The following NEGR1 variants were observed in gnomAD, a reference collection of about 807,000 sequenced individuals.
NEGR1 encodes IgLON family member 4.
In NEGR1, 10 loss-of-function variants were observed where a neutral mutation model predicts 40.9. The observed-to-expected ratio is 0.24, with a 90% CI of 0.15 to 0.42. The LOEUF (loss-of-function observed/expected upper bound fraction) is 0.42. Ranked by LOEUF, NEGR1 falls within the 10% of genes least tolerant of loss-of-function variation. The probability of loss-of-function intolerance (pLI) is 1.00; values close to 1 mark genes in which losing one functional copy is unlikely to be tolerated. For missense variants in NEGR1, 352 were observed against 438.9 expected, an observed-to-expected ratio of 0.80 and a Z score of 1.77; for synonymous variants, 185 against 166.8, an observed-to-expected ratio of 1.11 and a Z score of -0.84.
chr1:71,617,378 G>GAATCT (rs1457729986), intron 4 of NEGR1, among the ~76,000 whole-genome samples: 1 of 152,218 alleles, frequency 6.6e-6, no homozygotes, highest in Admixed American at 6.5e-5. Context: ...CTAGGTTGAT[G>GAATCT]AATCTACTGA....
At chr1:71,809,149 C>T (rs1657892536) in intron 2 of NEGR1, among the ~76,000 whole-genome samples, 1 of 152,134 alleles carries the variant, frequency 6.6e-6, no homozygotes, top group African/African-American at 2.4e-5. Flanking sequence ...GCTATCCCTC[C>T]ATTCATTGTT....
At position 71,680,469 on chromosome 1, in the gene NEGR1, C is replaced by A. The variant is rs538222095; in HGVS notation, c.667+17539G>T. Among the ~76,000 whole-genome samples the A allele has an allele frequency of 2.2e-4, 34 of 152,186 alleles. No homozygotes were observed. The South Asian group carries it at 6.8e-3, about 31-fold the overall frequency. On this transcript the variant is annotated intron_variant, in intron 4 of 6. Coordinates refer to ENST00000357731, the MANE Select transcript of NEGR1 (RefSeq NM_173808.3). Reference sequence around the variant, plus strand: ...GTAGAATTCTGTCTCTATTTCATTTCTAATTTTCTACTTTCACAAGATGCC... The same window carrying A: ...GTAGAATTCTGTCTCTATTTCATTTATAATTTTCTACTTTCACAAGATGCC...
At chr1:71,575,374 C>CA (rs1404268934) in intron 6 of NEGR1, among the ~76,000 whole-genome samples, 3 of 152,316 alleles carry the variant, frequency 2.0e-5, no homozygotes, top group African/African-American at 7.2e-5. Context: ...ATTGCCCTTC[C>CA]AACCAACCAC....
intron 2 of NEGR1, among the ~76,000 whole-genome samples, chr1:71,895,891 TATTTTATATATCAAGGTACC>T (rs1206619428): frequency 1.8e-4 from 28 of 152,334 alleles, no homozygotes; most frequent in African/African-American, 6.3e-4. Flanking sequence ...AGAGCTACAC[TATTTTATATATCAAGGTACC>T]AGTTTCTCCG....
At chr1:72,004,940 T>C (rs1182712775) in intron 1 of NEGR1, among the ~76,000 whole-genome samples, 4 of 152,142 alleles carry the variant, frequency 2.6e-5, no homozygotes, top group Non-Finnish European at 5.9e-5. Flanking sequence ...CACCTCCAAA[T>C]AGATTTTATG....
chr1:72,137,395 C>A lies in NEGR1; in HGVS notation c.176+144924G>T, dbSNP rs914645521. 2.6e-5 allele frequency among the ~76,000 whole-genome samples: 4 copies of A among 152,262 alleles called. No homozygotes were observed. In the East Asian group the frequency reaches 7.7e-4, roughly 29 times the overall value. On this transcript the variant is annotated intron_variant, in intron 1 of 6. Coordinates refer to ENST00000357731, the MANE Select transcript of NEGR1 (RefSeq NM_173808.3). ...ATAAAGAAAATGTGGCACACATACACCATGGAATACTATGCAGCCATAAAA... is the reference window on the plus strand; with the variant it reads ...ATAAAGAAAATGTGGCACACATACAACATGGAATACTATGCAGCCATAAAA...
chr1:71,410,969 G>A (rs11209780), intron 6 of NEGR1, among the ~76,000 whole-genome samples: 29,131 of 152,022 alleles, frequency 0.19, 3,753 homozygotes, highest in East Asian at 0.57. Context: ...AAGCATTACC[G>A]CCTTTCCCCT....
chr1:71,661,587 C>T (rs370020647), intron 4 of NEGR1, among the ~76,000 whole-genome samples: 9 of 152,162 alleles, frequency 5.9e-5, no homozygotes, highest in Admixed American at 5.2e-4. Flanking sequence ...GTCTCTAATC[C>T]CTATGACAGT....
intron 1 of NEGR1, among the ~76,000 whole-genome samples, chr1:72,168,222 A>T (rs984648150): frequency 3.3e-4 from 50 of 152,158 alleles, no homozygotes; most frequent in African/African-American, 1.1e-3. Flanking sequence ...CATGCTGACC[A>T]GGCTGGTCTG....
At chr1:72,176,050 T>C (rs1040302570) in intron 1 of NEGR1, among the ~76,000 whole-genome samples, 1 of 152,132 alleles carries the variant, frequency 6.6e-6, no homozygotes, top group Non-Finnish European at 1.5e-5. Context: ...ATGAAGACTT[T>C]CTCAGAAAGC....
intron 1 of NEGR1, among the ~76,000 whole-genome samples, chr1:72,082,818 T>G (rs571407302): frequency 6.6e-6 from 1 of 152,264 alleles, no homozygotes; most frequent in Admixed American, 6.5e-5. Context: ...AATGTTTTCT[T>G]AACCAATTTT....
chr1:71,769,735 C>G (rs1184397611), intron 3 of NEGR1, among the ~76,000 whole-genome samples: 1 of 152,280 alleles, frequency 6.6e-6, no homozygotes, highest in East Asian at 1.9e-4. Flanking sequence ...TTATAAATTA[C>G]CCAGTCTTGG....
In NEGR1 at chr1:72,259,591, A is replaced by C. The variant is rs137943724; in HGVS notation, c.176+22728T>G. ...AAGTTTTTTCCATCTGTAATTAGAG[A>C]AAAAAGTTTTACTAGTGTATTATAT... On this transcript the variant is annotated intron_variant, in intron 1 of 6. Transcript: ENST00000357731. Among the ~76,000 whole-genome samples, 53 of 152,200 alleles carry C rather than the reference A, an allele frequency of 3.5e-4. 1 individual carries two copies. Among genetic ancestry groups the C allele is most frequent in the African/African-American group, 8.4e-4 (35 of 41,560 alleles).
rs144278091 is a variant in NEGR1, at chr1:72,097,374, A to G, written c.177-162063T>C. 2.5e-3 allele frequency among the ~76,000 whole-genome samples: 378 copies of G among 152,266 alleles called. 1 individual carries two copies. The highest frequency in any genetic ancestry group is 8.6e-3 in the African/African-American group (359 of 41,552). ...AAGTATTAACTATTGTTGTCAATCT[A>G]TCCAGATTATTTGATAATGTAAATT... On this transcript the variant is annotated intron_variant, in intron 1 of 6. Transcript: ENST00000357731.
intron 5 of NEGR1, among the ~76,000 whole-genome samples, chr1:71,596,015 C>A (rs1046045699): frequency 3.4e-5 from 5 of 146,694 alleles, no homozygotes; most frequent in Admixed American, 2.8e-4. Context: ...TTTCTTATAG[C>A]CCCTGCCAAA....
chr1:72,149,406 A>T (rs1651032530), intron 1 of NEGR1, among the ~76,000 whole-genome samples: 2 of 152,138 alleles, frequency 1.3e-5, no homozygotes, highest in African/African-American at 4.8e-5. Context: ...AAGAATCTGC[A>T]TTGAGATTTC....
intron 1 of NEGR1, among the ~76,000 whole-genome samples, chr1:72,272,429 T>C (rs943941437): frequency 6.6e-6 from 1 of 151,978 alleles, no homozygotes; most frequent in African/African-American, 2.4e-5. Context: ...AAATATATTC[T>C]ACTGTAAGAA....
rs1172928419 is a variant in NEGR1, at chr1:72,022,925, C to G, written c.177-87614G>C. Among the ~76,000 whole-genome samples, 3 of 152,182 alleles carry G rather than the reference C, an allele frequency of 2.0e-5. No homozygotes were observed. In the East Asian group the frequency reaches 5.8e-4, roughly 29 times the overall value. On this transcript the variant is annotated intron_variant, in intron 1 of 6. Coordinates refer to ENST00000357731, the MANE Select transcript of NEGR1 (RefSeq NM_173808.3). ...TAAAAGGTGACAAGGACTCATATAG[C>G]AAAAGAAACAACCAAAGTAGTAAGA...
intron 1 of NEGR1, among the ~76,000 whole-genome samples, chr1:72,119,327 G>A (rs139525518): frequency 2.0e-5 from 3 of 152,064 alleles, no homozygotes; most frequent in Non-Finnish European, 4.4e-5. Flanking sequence ...AATTAGTGAT[G>A]CTTCCACTAG....
Sources: gnomAD v4.1 joint callset for allele counts (sites outside exome capture counted in the v4.1 genomes callset) on GRCh38, gnomAD v4.1.1 for gene constraint, MANE v1.5 for transcripts, NCBI Gene and HGNC (gene_info 2026-07-23, HGNC 2026-07-21) for gene names.